RPS6KC1: variants seen among roughly 807,000 people sequenced by gnomAD.
The protein encoded by RPS6KC1 is inactive ribosomal protein S6 kinase delta-1.
RPS6KC1 carries 54 observed loss-of-function variants against 103.8 expected under a neutral mutation model. The ratio of observed to expected loss-of-function variants is 0.52; its 90% CI spans 0.42 to 0.65. RPS6KC1 has a LOEUF of 0.65. Ranked by LOEUF, RPS6KC1 falls within the 30% of genes least tolerant of loss-of-function variation. The pLI is 0.00. For synonymous variants in RPS6KC1, 439 were observed against 438.7 expected (o/e 1.00, Z -0.01); for missense variants, 1,151 against 1,253.8 (o/e 0.92, Z 1.24).
chr1:213,345,288 A>T, the RPS6KC1 span, among the ~76,000 whole-genome samples: 37 of 152,252 alleles, frequency 2.4e-4, no homozygotes, highest in African/African-American at 8.4e-4. Context: ...AATGTAATGA[A>T]GTTATCCATC....
At chr1:213,070,053 G>A (rs2078728049) in intron 1 of RPS6KC1, among the ~76,000 whole-genome samples, 2 of 152,172 alleles carry the variant, frequency 1.3e-5, no homozygotes, top group Admixed American at 1.3e-4. Context: ...CTGAATGTTT[G>A]TAAATAATTT....
intron 12 of RPS6KC1, among the ~76,000 whole-genome samples, chr1:213,251,250 A>G (rs2094541113): frequency 6.6e-6 from 1 of 151,734 alleles, no homozygotes; most frequent in Non-Finnish European, 1.5e-5. Context: ...GGGATTACAG[A>G]TGGCCACCAC....
At chr1:213,415,449 T>C in the RPS6KC1 span, among the ~76,000 whole-genome samples, 1 of 152,200 alleles carries the variant, frequency 6.6e-6, no homozygotes, top group Non-Finnish European at 1.5e-5. Flanking sequence ...CTTTGAGTCA[T>C]TTGGTGACAA....
intron 8 of RPS6KC1, among the ~76,000 whole-genome samples, chr1:213,185,617 C>T (rs1474509799): frequency 2.6e-5 from 4 of 151,956 alleles, no homozygotes; most frequent in African/African-American, 9.7e-5. Context: ...CACTGCACTC[C>T]ATCCAGCCTG....
chr1:213,384,283 A>ATATAT, the RPS6KC1 span, among the ~76,000 whole-genome samples: 27 of 145,204 alleles, frequency 1.9e-4, no homozygotes, highest in African/African-American at 7.3e-4. Context: ...CTCAAAAAAA[A>ATATAT]ATATATATAT....
chr1:213,833,172 C>T, the RPS6KC1 span, among the ~76,000 whole-genome samples: 1 of 152,142 alleles, frequency 6.6e-6, no homozygotes, highest in Non-Finnish European at 1.5e-5. Context: ...AATTGTGGAC[C>T]AGAAAGGCCA....
chr1:213,508,786 C>A, the RPS6KC1 span, among the ~76,000 whole-genome samples: 4 of 152,148 alleles, frequency 2.6e-5, no homozygotes, highest in Non-Finnish European at 5.9e-5. Context: ...CTTTTGGGGG[C>A]TCAATAAATT....
At chr1:213,493,959 C>T in the RPS6KC1 span, among the ~76,000 whole-genome samples, 1 of 151,170 alleles carries the variant, frequency 6.6e-6, no homozygotes, top group African/African-American at 2.4e-5. Flanking sequence ...AGCAGAGTCA[C>T]CTTGGAACTT....
the RPS6KC1 span, among the ~76,000 whole-genome samples, chr1:213,616,584 G>A: frequency 6.6e-6 from 1 of 152,216 alleles, no homozygotes; most frequent in Admixed American, 6.5e-5. Context: ...GGCTAAGGTA[G>A]GAGGATCGCT....
At chr1:213,120,989 G>C (rs1026386796) in intron 5 of RPS6KC1, among the ~76,000 whole-genome samples, 2 of 152,198 alleles carry the variant, frequency 1.3e-5, no homozygotes, top group African/African-American at 2.4e-5. Flanking sequence ...GTCTCACCGT[G>C]TTACCCAGGC....
At chr1:213,294,135 G>A in the RPS6KC1 span, among the ~76,000 whole-genome samples, 1 of 152,202 alleles carries the variant, frequency 6.6e-6, no homozygotes, top group Non-Finnish European at 1.5e-5. Context: ...CCTTGGGGAA[G>A]AAGGGCAACA....
At chr1:213,354,343 A>G in the RPS6KC1 span, among the ~76,000 whole-genome samples, 1 of 152,214 alleles carries the variant, frequency 6.6e-6, no homozygotes, top group Admixed American at 6.5e-5. Flanking sequence ...GCACTTTTGT[A>G]GAGCTCAGGA....
chr1:213,175,146 C>T (rs754855862), intron 7 of RPS6KC1, among the ~76,000 whole-genome samples: 23 of 152,260 alleles, frequency 1.5e-4, no homozygotes, highest in Non-Finnish European at 2.9e-4. Context: ...CAAGTAACCT[C>T]CCTCCCTAGA....
intron 6 of RPS6KC1, among the ~76,000 whole-genome samples, chr1:213,151,761 C>T (rs1258413784): frequency 4.5e-5 from 6 of 133,300 alleles, no homozygotes; most frequent in Non-Finnish European, 9.6e-5. Flanking sequence ...CCGGACGAGG[C>T]GGCTGGCCTG....
chr1:213,060,135 G>T (rs763990974), intron 1 of RPS6KC1, among the ~76,000 whole-genome samples: 7 of 152,142 alleles, frequency 4.6e-5, no homozygotes, highest in Non-Finnish European at 8.8e-5. Context: ...TTACTTTTTA[G>T]TTTTGTTAGC....
the RPS6KC1 span, among the ~76,000 whole-genome samples, chr1:213,503,124 A>G: frequency 5.6e-4 from 81 of 144,066 alleles, 3 homozygotes; most frequent in East Asian, 0.013. Flanking sequence ...TTTTTTCTCT[A>G]TGGCTGTTCC....
chr1:213,202,104 A>G (rs1448817609), intron 8 of RPS6KC1, among the ~76,000 whole-genome samples: 2 of 152,220 alleles, frequency 1.3e-5, no homozygotes, highest in African/African-American at 4.8e-5. Context: ...TGTTTTGTAT[A>G]AACACACTAA....
intron 8 of RPS6KC1, among the ~76,000 whole-genome samples, chr1:213,194,072 C>A (rs2092849234): frequency 6.6e-6 from 1 of 152,054 alleles, no homozygotes; most frequent in Admixed American, 6.5e-5. Context: ...TATATAATTA[C>A]CTTTGTGTCT....
At chr1:213,447,901 T>C in the RPS6KC1 span, among the ~76,000 whole-genome samples, 3 of 152,262 alleles carry the variant, frequency 2.0e-5, no homozygotes, top group African/African-American at 7.2e-5. Flanking sequence ...TTTTTTATAA[T>C]TTAATTTTTT....
Sources: allele counts gnomAD v4.1 joint callset (sites outside exome capture counted in the v4.1 genomes callset), GRCh38; gene constraint gnomAD v4.1.1; transcripts MANE v1.5; gene names NCBI Gene and HGNC (gene_info 2026-07-23, HGNC 2026-07-21).